Variants in HTR3E observed in about 807,000 individuals in gnomAD.
HTR3E encodes 5-hydroxytryptamine (serotonin) receptor 3, family member E.
Under a neutral mutation model 38.0 loss-of-function variants are expected in HTR3E, and 38 were observed. The observed-to-expected ratio is 1.00, with a 90% CI of 0.77 to 1.31. The LOEUF is 1.31. Among genes scored for constraint, HTR3E ranks in the 50% most tolerant of loss-of-function variants. The pLI, the probability that HTR3E is intolerant of heterozygous loss-of-function variation, is 0.00. For missense variants in HTR3E, 547 were observed against 585.2 expected (o/e 0.93, Z 0.67); for synonymous variants, 210 against 232.9 (o/e 0.90, Z 0.89).
chr3:184,101,432 T>C (rs1455108485), intron 2 of HTR3E, 53 bp from the exon 3 acceptor site: 12 of 1,485,468 alleles, frequency 8.1e-6, no homozygotes, highest in African/African-American at 1.4e-5. Context: ...GTGGGGGAGA[T>C]GGAACAGACT....
intron 1 of HTR3E, among the ~76,000 whole-genome samples, chr3:184,099,919 T>G (rs1711915126): frequency 6.6e-6 from 1 of 152,118 alleles, no homozygotes; most frequent in Admixed American, 6.6e-5. Context: ...TCCTATCGGA[T>G]GACTATCAAC....
intron 1 of HTR3E, chr3:184,100,207 G>A (rs1711940281): frequency 1.4e-6 from 2 of 1,405,994 alleles, no homozygotes; most frequent in Non-Finnish European, 1.9e-6. Flanking sequence ...CCTTTTATTG[G>A]CTGTCTGACT....
At chr3:184,097,840 C>T (rs745981689) in intron 1 of HTR3E, among the ~76,000 whole-genome samples, 1 of 152,278 alleles carries the variant, frequency 6.6e-6, no homozygotes, top group East Asian at 1.9e-4. Flanking sequence ...GAGTTCAACA[C>T]CAGCAAACTT....
At chr3:184,103,628 CAAAAAAAA>C (rs11441494) in intron 3 of HTR3E, among the ~76,000 whole-genome samples, 37 of 78,840 alleles carry the variant, frequency 4.7e-4, no homozygotes, top group Non-Finnish European at 7.7e-4. Context: ...GACTCCATCT[CAAAAAAAA>C]AAAAAAAAAA....
In HTR3E at chr3:184,100,605, C is replaced by G. The variant is rs367877550; in HGVS notation, c.188C>G (p.Pro63Arg). The G allele has an allele frequency of 1.2e-6, 2 of 1,614,094 alleles. No homozygotes were observed. Among genetic ancestry groups the G allele is most frequent in the Admixed American group, 1.7e-5 (1 of 60,010 alleles). The change falls in exon 2 of 9, where the codon CCC (proline) becomes CGC (arginine). Residue 63 changes from proline (P) to arginine (R), a missense_variant. By Grantham distance (103) the Pro-to-Arg change is moderately radical. Transcript: ENST00000415389. ...PFRPVTNISV[P>R]TQVNISFAMS... ...CGTCCGGTCACCAACATCAGCGTCCCCACCCAAGTCAACATCTCCTTCGCG... is the reference window on the plus strand; with the variant it reads ...CGTCCGGTCACCAACATCAGCGTCCGCACCCAAGTCAACATCTCCTTCGCG...
intron 3 of HTR3E, among the ~76,000 whole-genome samples, chr3:184,103,489 C>T (rs1041679951): frequency 1.3e-5 from 2 of 152,006 alleles, no homozygotes; most frequent in African/African-American, 4.8e-5. Flanking sequence ...ATTAGCCAGG[C>T]GTGGTGGCAG....
chr3:184,099,243 A>T (rs79683691), intron 1 of HTR3E, among the ~76,000 whole-genome samples: 6,023 of 151,576 alleles, frequency 0.04, 307 homozygotes, highest in African/African-American at 0.12. Context: ...AAAATTTTTT[A>T]AAAAAATTAG....
At chr3:184,100,833 C>T (rs2108989871) in intron 2 of HTR3E, among the ~76,000 whole-genome samples, 182 bp downstream of exon 2, 1 of 152,316 alleles carries the variant, frequency 6.6e-6, no homozygotes, top group South Asian at 2.1e-4. Context: ...TATAACAGCA[C>T]ATGGAAGAGA....
At chr3:184,103,789 T>A in intron 3 of HTR3E, among the ~76,000 whole-genome samples, 2 of 143,052 alleles carry the variant, frequency 1.4e-5, no homozygotes, top group Admixed American at 7.2e-5. Flanking sequence ...AGAGCAAGAC[T>A]CCATCTCAGA....
At chr3:184,101,101 A>G (rs895848855) in intron 2 of HTR3E, among the ~76,000 whole-genome samples, 3 of 151,956 alleles carry the variant, frequency 2.0e-5, no homozygotes, top group Non-Finnish European at 2.9e-5. Flanking sequence ...GCGTCACAAC[A>G]CCTGGCTAAT....
At chr3:184,101,196 G>A (rs1712019300) in intron 2 of HTR3E, among the ~76,000 whole-genome samples, 1 of 152,088 alleles carries the variant, frequency 6.6e-6, no homozygotes, top group African/African-American at 2.4e-5. Context: ...TGCCTGTCTC[G>A]GCCTCCCAGG....
rs1378732176 is a variant in HTR3E, at chr3:184,101,501, T to C, written c.251T>C (p.Leu84Pro). ...AILDVNEQLH[L>P]LSSFLWLEMV... ...TTTTGGCAGAATGAACAGCTGCACC[T>C]CTTGTCATCATTCCTGTGGCTGGAA... Residue 84 changes from leucine (L) to proline (P), a missense_variant, in exon 3 of 9, where the codon CTC becomes CCC. Coordinates refer to ENST00000415389, the MANE Select transcript of HTR3E (RefSeq NM_001256613.2). 6.2e-7 allele frequency: 1 copy of C among 1,613,876 alleles called. No homozygotes were observed. The highest frequency in any genetic ancestry group is 8.5e-7 in the Non-Finnish European group (1 of 1,179,734).
intron 3 of HTR3E, among the ~76,000 whole-genome samples, chr3:184,102,952 T>C (rs1224509842): frequency 6.6e-6 from 1 of 151,740 alleles, no homozygotes; most frequent in Non-Finnish European, 1.5e-5. Context: ...GAAAACCTTG[T>C]TTCTTGGGAA....
In HTR3E at chr3:184,106,737, TCCAGGGACTGG is replaced by T. The variant is rs1428370149; in HGVS notation, c.*50_*60del. 7 of 1,600,334 alleles carry T rather than the reference TCCAGGGACTGG, an allele frequency of 4.4e-6. No homozygotes were observed. In the African/African-American group the frequency reaches 9.4e-5, roughly 21 times the overall value. On this transcript the variant is annotated 3_prime_UTR_variant, in exon 9 of 9. Transcript: ENST00000415389. This position sits in a 1 kb window ranked among gnomAD's most constrained non-coding sequence, Gnocchi z 4.1. Reference sequence around the variant, plus strand: ...ACTTCAGTCTGGAGCTTCTCTTGCCTCCAGGGACTGGCCAGGTCTCCCCCCTTTCCTGAGTA... The same window carrying T: ...ACTTCAGTCTGGAGCTTCTCTTGCCTCCAGGTCTCCCCCCTTTCCTGAGTA...
chr3:184,105,759 C>G lies in HTR3E; in HGVS notation c.721-6C>G, dbSNP rs758692013. ...AACTACTTACCACCCTCTCCTACCCCACCAGGTGGCCATCAGGCGCAGGCC... is the reference window on the plus strand; with the variant it reads ...AACTACTTACCACCCTCTCCTACCCGACCAGGTGGCCATCAGGCGCAGGCC... On this transcript the variant is annotated splice_region_variant and splice_polypyrimidine_tract_variant and intron_variant, in intron 6 of 8. Transcript: ENST00000415389. The G allele has an allele frequency of 2.5e-6, 4 of 1,611,738 alleles. No homozygotes were observed. In the South Asian group the frequency reaches 4.4e-5, roughly 18 times the overall value.
intron 3 of HTR3E, among the ~76,000 whole-genome samples, chr3:184,102,697 G>T (rs564190003): frequency 6.6e-6 from 1 of 151,542 alleles, no homozygotes; most frequent in African/African-American, 2.4e-5. Context: ...GGCCGAGGCC[G>T]GTGGATCGCC....
Position 184,100,581 on chromosome 3 carries a change from G to C in HTR3E, c.164G>C (p.Arg55Pro). ...TCAGTGTTTAATAGAAAGCCCTTCC[G>C]TCCGGTCACCAACATCAGCGTCCCC... ...LNSVFNRKPF[R>P]PVTNISVPTQ... The change falls in exon 2 of 9, where the codon CGT (arginine) becomes CCT (proline). Residue 55 changes from arginine to proline, a missense_variant. Arg to Pro is a moderately radical substitution (Grantham distance 103, BLOSUM62 -2). Coordinates refer to ENST00000415389, the MANE Select transcript of HTR3E (RefSeq NM_001256613.2). The C allele has an allele frequency of 1.2e-6, 2 of 1,614,078 alleles. No individual in the cohort carries two copies. The highest frequency in any genetic ancestry group is 1.7e-6 in the Non-Finnish European group (2 of 1,180,026).
chr3:184,097,710 A>T, intron 1 of HTR3E, 114 bp downstream of exon 1: 1 of 739,210 alleles, frequency 1.4e-6, no homozygotes, highest in Non-Finnish European at 2.2e-6. Flanking sequence ...AGATGGATAG[A>T]GTTCTTTCAT....
intron 1 of HTR3E, chr3:184,100,246 T>C (rs1711942173): frequency 1.5e-6 from 2 of 1,357,952 alleles, no homozygotes; most frequent in African/African-American, 2.9e-5. Flanking sequence ...TTATTGCACC[T>C]TAGTTAGCTC....
Sources: allele counts gnomAD v4.1 joint callset (sites outside exome capture counted in the v4.1 genomes callset), GRCh38; gene constraint gnomAD v4.1.1; non-coding constraint Gnocchi (gnomAD v3.1); transcripts MANE v1.5; gene names NCBI Gene and HGNC (gene_info 2026-07-23, HGNC 2026-07-21).